Variants in SCRIB observed in about 807,000 individuals in gnomAD.
The protein encoded by SCRIB is scribble planar cell polarity protein, also known as protein scribble homolog.
In SCRIB, 72 loss-of-function variants were observed where a neutral mutation model predicts 170.0. The ratio of observed to expected loss-of-function variants is 0.42; its 90% confidence interval spans 0.35 to 0.52. The LOEUF (loss-of-function observed/expected upper bound fraction) is 0.52. Ranked by LOEUF, SCRIB falls within the 20% of genes least tolerant of loss-of-function variation. The probability of loss-of-function intolerance (pLI) is 0.02; values close to 1 mark genes in which losing one functional copy is unlikely to be tolerated. For missense variants in SCRIB, 2,475 were observed against 2,338.5 expected, an observed-to-expected ratio of 1.06 and a Z score of -1.20; for synonymous variants, 1,298 against 1,044.3, an observed-to-expected ratio of 1.24 and a Z score of -4.68.
At chr8:143,796,700 T>C (rs184826889) in intron 24 of SCRIB, among the ~76,000 whole-genome samples, 1 of 152,290 alleles carries the variant, frequency 6.6e-6, no homozygotes, top group Admixed American at 6.5e-5. Context: ...CTACGTCTCT[T>C]TCAGACTCAC....
chr8:143,809,974 C>T (rs1186985174), intron 13 of SCRIB, among the ~76,000 whole-genome samples: 1 of 152,156 alleles, frequency 6.6e-6, no homozygotes, highest in Non-Finnish European at 1.5e-5. Context: ...AAACAAGGAC[C>T]ACACAAGTTC....
chr8:143,809,129 C>G lies in SCRIB; in HGVS notation c.1699-104G>C, dbSNP rs1217929679. On this transcript the variant is annotated intron_variant, in intron 14 of 36. Coordinates refer to ENST00000356994, the MANE Select transcript of SCRIB (RefSeq NM_182706.5). Reference sequence around the variant, plus strand: ...CACAGACGGGCTCCGAAAGCCTCCCCGCCACACAAAGACTCAGCACTAACT... The same window carrying G: ...CACAGACGGGCTCCGAAAGCCTCCCGGCCACACAAAGACTCAGCACTAACT... The G allele has an allele frequency of 8.4e-6, 12 of 1,428,294 alleles. No individual in the cohort carries two copies. The Admixed American group carries it at 1.4e-4, about 17-fold the overall frequency. The allele number at this position is 1,428,294 out of a possible 1,614,324, so 88.5% of individuals were successfully genotyped here.
chr8:143,798,396 A>ATGCGGACTGTACGTCCCG (rs2130029677), intron 24 of SCRIB, among the ~76,000 whole-genome samples: 1 of 92,128 alleles, frequency 1.1e-5, no homozygotes, highest in Non-Finnish European at 3.3e-5. Flanking sequence ...TGTACGTCCC[A>ATGCGGACTGTACGTCCCG]GGCAGGGTGA....
intron 29 of SCRIB, 42 bp downstream of exon 29, chr8:143,792,934 C>A: frequency 4.0e-6 from 6 of 1,499,610 alleles, no homozygotes; most frequent in Non-Finnish European, 5.3e-6. Context: ...CGGGCACCCA[C>A]CCCAACCACG....
At chr8:143,813,190 AGCTCCCACCC>A (rs1271242675) in intron 6 of SCRIB, 86 bp from the exon 7 acceptor site, 27 of 1,585,196 alleles carry the variant, frequency 1.7e-5, no homozygotes, top group Non-Finnish European at 2.2e-5. Flanking sequence ...CCCCACACCC[AGCTCCCACCC>A]GCCTGCCCTC....
chr8:143,810,202 A>G (rs1178171253), intron 13 of SCRIB, among the ~76,000 whole-genome samples: 7 of 151,272 alleles, frequency 4.6e-5, no homozygotes, highest in East Asian at 1.9e-4. Flanking sequence ...ACCCTACCCC[A>G]CAACCAAACC....
Position 143,791,292 on chromosome 8 carries a change from ATCC to A in SCRIB, c.4836_4838del (p.Glu1612del). ...CCAGAAGCACCAGAGCCACTTCTCC[ATCC>A]TCCTCCTGCGGGCCTGGAGGGCAGG... On this transcript the variant is annotated inframe_deletion, in exon 37 of 37. Coordinates refer to ENST00000356994, the MANE Select transcript of SCRIB (RefSeq NM_182706.5). The A allele has an allele frequency of 6.4e-7, 1 of 1,557,792 alleles. No individual in the cohort carries two copies. The highest frequency in any genetic ancestry group is 8.7e-7 in the Non-Finnish European group (1 of 1,151,176).
chr8:143,806,052 T>C (rs782145448), intron 18 of SCRIB, among the ~76,000 whole-genome samples: 1 of 152,086 alleles, frequency 6.6e-6, no homozygotes, highest in Non-Finnish European at 1.5e-5. Flanking sequence ...GACCTGCCAG[T>C]AGCCTGACCC....
At position 143,792,395 on chromosome 8, in the gene SCRIB, C is replaced by T; in HGVS notation, c.4339G>A (p.Ala1447Thr). Residue 1447 changes from alanine (A) to threonine (T), a missense_variant, in exon 32 of 37, where the codon GCG becomes ACG. Ala to Thr is a moderately conservative substitution (Grantham distance 58). Coordinates refer to ENST00000356994, the MANE Select transcript of SCRIB (RefSeq NM_182706.5). ...CCACCTCCCAGGGGTGGGGGGGACGCCGGGCTCTGCCTGGGGAAGGGACAG... is the reference window on the plus strand; with the variant it reads ...CCACCTCCCAGGGGTGGGGGGGACGTCGGGCTCTGCCTGGGGAAGGGACAG... The part of the protein sequence containing the change: ...SPSPTSRQSP[A>T]SPPPLGGGAP... The T allele has an allele frequency of 6.7e-7, 1 of 1,501,750 alleles. No homozygotes were observed. Among genetic ancestry groups the T allele is most frequent in the Non-Finnish European group, 8.9e-7 (1 of 1,129,530 alleles). 93.0% of individuals were successfully genotyped at this position (1,501,750 alleles called of 1,614,324 possible).
chr8:143,804,202 G>A, intron 21 of SCRIB, 46 bp from the exon 22 acceptor site: 5 of 1,431,952 alleles, frequency 3.5e-6, no homozygotes, highest in Non-Finnish European at 4.8e-6. Flanking sequence ...TCAGGACAGG[G>A]AAAGGGTGTG....
Position 143,810,422 on chromosome 8 carries a change from G to A in SCRIB, c.1530+57C>T, listed in dbSNP as rs376914213. On this transcript the variant is annotated intron_variant, in intron 13 of 36. Transcript: ENST00000356994. The stretch of plus-strand genomic sequence containing the variant: ...CACAGCCCCACTCCCAGGATGGACC[G>A]GACCACCACAGCTCCCGGGTCAGCG... 1.0e-4 allele frequency: 163 copies of A among 1,585,784 alleles called. No individual in the cohort carries two copies. In the South Asian group the frequency reaches 1.2e-3, roughly 12 times the overall value.
In SCRIB at chr8:143,795,307, C is replaced by G. The variant is rs781895820; in HGVS notation, c.3741G>C (p.Leu1247=). 1.2e-6 allele frequency: 2 copies of G among 1,612,638 alleles called. No individual in the cohort carries two copies. The highest frequency in any genetic ancestry group is 2.7e-5 in the African/African-American group (2 of 74,906). ...CTTCTGTGGCCTCGGGCCCCCAGTG[C>G]AGGGTCTGTCCAGGCAGCTCCTTCT... ...GKEKELPGQT[L]HWGPEATEAA... is the part of the protein sequence containing the mutation. The change falls in exon 26 of 37, where the codon CTG becomes CTC. Residue 1247 remains leucine (L), a synonymous_variant. Transcript: ENST00000356994.
rs751819416 is a variant in SCRIB at position 143,814,076 on chromosome 8, C to T, written c.202G>A (p.Asp68Asn). ...GGAGGCAACCGCTGGATCTCGTTGT[C>T]GCTCAGGCCCAGCTTGCGCAAGTTC... is the stretch of plus-strand genomic sequence containing the variant. The part of the protein sequence containing the change: ...LLNLRKLGLS[D>N]NEIQRLPPEV... Residue 68 changes from aspartate (D) to asparagine (N), a missense_variant, in exon 2 of 37, where the codon GAC (aspartate) becomes AAC (asparagine). This residue lies in a region of SCRIB where 487 missense variants were observed against 558.1 expected (regional missense o/e 0.87). Transcript: ENST00000356994. 5.1e-6 allele frequency: 8 copies of T among 1,555,806 alleles called. No homozygotes were observed. The highest frequency in any genetic ancestry group is 3.5e-5 in the South Asian group (3 of 84,538).
chr8:143,794,052 G>A (rs1413072350), intron 27 of SCRIB, 90 bp from the exon 28 acceptor site: 1 of 1,232,402 alleles, frequency 8.1e-7, no homozygotes, highest in African/African-American at 1.5e-5. Context: ...TTGCCTAAAA[G>A]CCACAGCAGC....
At chr8:143,793,796 T>C in intron 28 of SCRIB, 104 bp downstream of exon 28, 1 of 1,149,570 alleles carries the variant, frequency 8.7e-7, no homozygotes, top group Non-Finnish European at 1.3e-6. Context: ...CACCCCACGA[T>C]GGCCCCTGAC....
Position 143,813,686 on chromosome 8 carries a change from G to A in SCRIB, c.397C>T (p.Leu133=), listed in dbSNP as rs764938675. The change falls in exon 4 of 37, where the codon CTG becomes TTG. Residue 133 remains leucine, a synonymous_variant. Coordinates refer to ENST00000356994, the MANE Select transcript of SCRIB (RefSeq NM_182706.5). ...GFTQLRSLAH[L]ALNDVSLQAL... is the part of the protein sequence containing the mutation. ...TGCAGAGACACATCATTCAGGGCCA[G>A]GTGAGCCAGGCTGCGCAGCTGAGTG... 25 of 1,613,480 alleles carry A rather than the reference G, an allele frequency of 1.5e-5. No homozygotes were observed. The South Asian group carries it at 2.1e-4, about 13-fold the overall frequency.
intron 28 of SCRIB, 45 bp from the exon 29 acceptor site, chr8:143,793,128 G>A (rs987485384): frequency 1.7e-5 from 20 of 1,153,022 alleles, no homozygotes; most frequent in Non-Finnish European, 2.2e-5. Context: ...CAGCTGTCGG[G>A]GCTGCAGCTG....
rs1587533777 is a variant in SCRIB, at chr8:143,806,946, G to A, written c.2246C>T (p.Thr749Ile). The A allele has an allele frequency of 6.2e-7, 1 of 1,613,058 alleles. No homozygotes were observed. The highest frequency in any genetic ancestry group is 8.5e-7 in the Non-Finnish European group (1 of 1,179,568). Residue 749 changes from threonine to isoleucine, a missense_variant, in exon 17 of 37, where the codon ACA becomes ATA. Coordinates refer to ENST00000356994, the MANE Select transcript of SCRIB (RefSeq NM_182706.5). The stretch of plus-strand genomic sequence containing the variant: ...CACCTCGTCGTCCCCCTTATAGGGT[G>A]TGGAGCCCTTGCCGCCCGCAATGCT... The part of the protein sequence containing the change: ...GISIAGGKGS[T>I]PYKGDDEGIF...
rs192608935 is a variant in SCRIB at position 143,813,177 on chromosome 8, C to T, written c.568-73G>A. On this transcript the variant is annotated intron_variant, in intron 6 of 36. Transcript: ENST00000356994. Reference sequence around the variant, plus strand: ...GCTGCGCCGTGCTCAAGAGACTATACGCCCCCACACCCAGCTCCCACCCGC... The same window carrying T: ...GCTGCGCCGTGCTCAAGAGACTATATGCCCCCACACCCAGCTCCCACCCGC... 1.7e-3 allele frequency: 2,644 copies of T among 1,581,864 alleles called. 32 individuals carry two copies. Among genetic ancestry groups the T allele is most frequent in the East Asian group, 4.7e-4 (21 of 44,550 alleles).
Sources: gnomAD v4.1 joint callset for allele counts (sites outside exome capture counted in the v4.1 genomes callset) on GRCh38, gnomAD v4.1.1 for gene constraint, gnomAD v4.1.1 regional missense constraint, MANE v1.5 for transcripts, NCBI Gene and HGNC (gene_info 2026-07-23, HGNC 2026-07-21) for gene names.